The following PTPRD variants were observed in gnomAD, a reference collection of about 807,000 sequenced individuals.
PTPRD encodes the protein protein tyrosine phosphatase receptor type D, also known as receptor-type tyrosine-protein phosphatase delta.
PTPRD carries 34 observed loss-of-function variants against 214.5 expected under a neutral mutation model. The ratio of observed to expected loss-of-function variants is 0.16; its 90% CI spans 0.12 to 0.21. The LOEUF (loss-of-function observed/expected upper bound fraction) is 0.21, where lower values mean the gene tolerates loss of function less well. PTPRD is among the 10% of genes least tolerant of loss of function. The pLI is 1.00. For synonymous variants in PTPRD, 1,128 were observed against 845.7 expected, an observed-to-expected ratio of 1.33 and a Z score of -5.79; for missense variants, 2,545 against 2,398.7, an observed-to-expected ratio of 1.06 and a Z score of -1.27.
At chr9:9,389,197 CT>C (rs2064952193) in intron 9 of PTPRD, among the ~76,000 whole-genome samples, 1 of 152,050 alleles carries the variant, frequency 6.6e-6, no homozygotes, top group African/African-American at 2.4e-5. Flanking sequence ...TTAATGATTG[CT>C]TTTATTATGT....
rs1256235123 is a variant in PTPRD at position 8,316,674 on chromosome 9, T to TGAC, written c.*1197_*1199dup. 1 of 230,500 alleles carries TGAC rather than the reference T, an allele frequency of 4.3e-6. No individual in the cohort carries two copies. The highest frequency in any genetic ancestry group is 2.2e-5 in the African/African-American group (1 of 45,150). The allele number at this position is 230,500 out of a possible 1,614,324, so 14.3% of individuals were successfully genotyped here. On this transcript the variant is annotated 3_prime_UTR_variant, in exon 46 of 46. Coordinates refer to ENST00000381196, the MANE Select transcript of PTPRD (RefSeq NM_002839.4). ...GAAATATTGAACTTTGTTGGAAGCC[T>TGAC]GACTAACAAACAAACAAAACAATTT... is the stretch of plus-strand genomic sequence containing the variant.
chr9:9,422,982 G>T (rs1457355639), intron 8 of PTPRD, among the ~76,000 whole-genome samples: 1 of 152,100 alleles, frequency 6.6e-6, no homozygotes, highest in Non-Finnish European at 1.5e-5. Context: ...CCCTTAGTTG[G>T]GTCCCTCTTG....
At chr9:9,509,410 C>G (rs1021102584) in intron 8 of PTPRD, among the ~76,000 whole-genome samples, 1 of 151,394 alleles carries the variant, frequency 6.6e-6, no homozygotes, top group South Asian at 2.1e-4. Flanking sequence ...AGCAAGCCTC[C>G]TAGATAGTGT....
At position 10,401,453 on chromosome 9, in the gene PTPRD, G is replaced by T. The variant is rs556124313; in HGVS notation, c.-599-60436C>A. Among the ~76,000 whole-genome samples, 9 of 150,872 alleles carry T rather than the reference G, an allele frequency of 6.0e-5. No individual in the cohort carries two copies. The South Asian group carries it at 8.3e-4, about 14-fold the overall frequency. On this transcript the variant is annotated intron_variant, in intron 2 of 45. Coordinates refer to ENST00000381196, the MANE Select transcript of PTPRD (RefSeq NM_002839.4). ...TATCATTCCTAAACGGATAAAATTGGTTCCTATGGCAAAAGGTATTAGATA... is the reference window on the plus strand; with the variant it reads ...TATCATTCCTAAACGGATAAAATTGTTTCCTATGGCAAAAGGTATTAGATA...
intron 34 of PTPRD, among the ~76,000 whole-genome samples, chr9:8,444,351 G>T (rs1346433923): frequency 1.3e-5 from 2 of 152,126 alleles, no homozygotes; most frequent in East Asian, 3.9e-4. Flanking sequence ...ACAGCAAATT[G>T]TGTGTGTATA....
intron 11 of PTPRD, among the ~76,000 whole-genome samples, chr9:8,788,906 A>G (rs926080266): frequency 1.3e-5 from 2 of 151,756 alleles, no homozygotes; most frequent in Non-Finnish European, 2.9e-5. Context: ...TGATGTTCTT[A>G]TATCACCAAT....
chr9:8,491,867 T>C (rs1459099376), intron 27 of PTPRD, among the ~76,000 whole-genome samples: 2 of 152,134 alleles, frequency 1.3e-5, no homozygotes, highest in African/African-American at 4.8e-5. Context: ...TAGAGGTATG[T>C]TCCTAAAAAG....
chr9:10,113,699 G>A (rs1368645030), intron 3 of PTPRD, among the ~76,000 whole-genome samples: 4 of 151,984 alleles, frequency 2.6e-5, no homozygotes, highest in Non-Finnish European at 5.9e-5. Context: ...CACCAAATGG[G>A]GTAATTTATA....
chr9:9,715,212 G>A (rs549594744), intron 7 of PTPRD, among the ~76,000 whole-genome samples: 1 of 152,100 alleles, frequency 6.6e-6, no homozygotes, highest in Non-Finnish European at 1.5e-5. Flanking sequence ...TACAATTATG[G>A]TACTGCAATT....
intron 4 of PTPRD, among the ~76,000 whole-genome samples, chr9:9,980,548 G>A (rs553321554): frequency 3.0e-5 from 4 of 133,430 alleles, no homozygotes; most frequent in Non-Finnish European, 4.6e-5. Context: ...GGCAAAGGTT[G>A]CAGTGAGCAG....
intron 11 of PTPRD, among the ~76,000 whole-genome samples, chr9:8,793,077 G>A (rs1341221671): frequency 3.3e-5 from 5 of 152,172 alleles, no homozygotes; most frequent in African/African-American, 4.8e-5. Flanking sequence ...CAGATGACTC[G>A]TACCTGGGTA....
Position 8,319,836 on chromosome 9 carries a change from T to A in PTPRD, c.5665A>T (p.Thr1889Ser), listed in dbSNP as rs1346309174. 6.2e-7 allele frequency: 1 copy of A among 1,612,800 alleles called. No individual in the cohort carries two copies. Among genetic ancestry groups the A allele is most frequent in the Admixed American group, 1.7e-5 (1 of 59,800 alleles). The change falls in exon 45 of 46, where the codon ACA (threonine) becomes TCA (serine). Residue 1889 changes from threonine (T) to serine (S), a missense_variant. Transcript: ENST00000381196. Reference protein sequence around the residue: ...LRTQRPAMVQTEDQYQFSYRA... With the variant: ...LRTQRPAMVQSEDQYQFSYRA... ...AATGCAATGGATTTTCTCACCTCTG[T>A]CTGTACCATAGCTGGTCGTTGTGTT...
intron 10 of PTPRD, among the ~76,000 whole-genome samples, chr9:9,039,261 G>T (rs977034027): frequency 2.0e-5 from 3 of 152,174 alleles, no homozygotes; most frequent in Non-Finnish European, 4.4e-5. Context: ...GCTAGCAATG[G>T]AAATATGAGA....
intron 3 of PTPRD, among the ~76,000 whole-genome samples, chr9:10,220,778 T>G (rs1227986558): frequency 6.6e-6 from 1 of 151,876 alleles, no homozygotes; most frequent in Non-Finnish European, 1.5e-5. Flanking sequence ...TATATGCACA[T>G]GCTATTATCT....
chr9:8,380,936 C>T (rs1160888718), intron 37 of PTPRD, among the ~76,000 whole-genome samples: 1 of 152,134 alleles, frequency 6.6e-6, no homozygotes, highest in Non-Finnish European at 1.5e-5. Context: ...TTAATAAAGA[C>T]TTACTGAGCA....
chr9:9,483,329 C>T (rs1242527837), intron 8 of PTPRD, among the ~76,000 whole-genome samples: 1 of 152,112 alleles, frequency 6.6e-6, no homozygotes, highest in Non-Finnish European at 1.5e-5. Flanking sequence ...TATGACATTA[C>T]AGAATACAAT....
At chr9:10,290,837 T>C (rs2095506013) in intron 3 of PTPRD, among the ~76,000 whole-genome samples, 1 of 152,000 alleles carries the variant, frequency 6.6e-6, no homozygotes, top group African/African-American at 2.4e-5. Context: ...CATAATTAAA[T>C]AAAAATATTT....
In PTPRD at chr9:9,861,206, C is replaced by T. The variant is rs111321311; in HGVS notation, c.-368+77301G>A. ...TGGGAGAAGTAAATATTCTATTACCCCACTGAGATACAGTTACTGCAGTGA... is the reference window on the plus strand; with the variant it reads ...TGGGAGAAGTAAATATTCTATTACCTCACTGAGATACAGTTACTGCAGTGA... On this transcript the variant is annotated intron_variant, in intron 5 of 45. Coordinates refer to ENST00000381196, the MANE Select transcript of PTPRD (RefSeq NM_002839.4). 4.7e-3 allele frequency among the ~76,000 whole-genome samples: 709 copies of T among 152,154 alleles called. 3 individuals carry two copies. The highest frequency in any genetic ancestry group is 0.016 in the African/African-American group (648 of 41,504).
intron 2 of PTPRD, among the ~76,000 whole-genome samples, chr9:10,485,486 C>T (rs1379202824): frequency 6.6e-6 from 1 of 151,942 alleles, no homozygotes; most frequent in Non-Finnish European, 1.5e-5. Flanking sequence ...TTCTTTCAAT[C>T]CATGAACATG....
Sources: gnomAD v4.1 joint callset for allele counts (sites outside exome capture counted in the v4.1 genomes callset) on GRCh38, gnomAD v4.1.1 for gene constraint, MANE v1.5 for transcripts, NCBI Gene and HGNC (gene_info 2026-07-23, HGNC 2026-07-21) for gene names.